ITPR1: variants seen among roughly 807,000 people sequenced by gnomAD.
ITPR1 encodes inositol 1,4,5-trisphosphate receptor type 1, also known as inositol 1,4,5-trisphosphate-gated calcium channel ITPR1.
Under a neutral mutation model 318.4 loss-of-function variants are expected in ITPR1, and 96 were observed. That is an observed-to-expected ratio of 0.30 (90% confidence interval 0.26 to 0.36). The LOEUF is 0.36. ITPR1 is among the 10% of genes least tolerant of loss of function. The probability of loss-of-function intolerance (pLI) is 1.00; values close to 1 mark genes in which losing one functional copy is unlikely to be tolerated. For synonymous variants in ITPR1, 1,312 were observed against 1,289.9 expected (o/e 1.02, Z -0.37); for missense variants, 2,440 against 3,460.2 (o/e 0.71, Z 7.40).
At chr3:4,827,466 T>G (rs753456863) in intron 60 of ITPR1, among the ~76,000 whole-genome samples, 6 of 152,218 alleles carry the variant, frequency 3.9e-5, no homozygotes, top group Admixed American at 1.3e-4. Context: ...GTCTTTACAA[T>G]GAAGCCTACT....
intron 30 of ITPR1, among the ~76,000 whole-genome samples, chr3:4,686,297 A>G (rs1224422236): frequency 6.6e-6 from 1 of 152,196 alleles, no homozygotes; most frequent in Non-Finnish European, 1.5e-5. Context: ...CATGGGGACC[A>G]TATGAATCGG....
At chr3:4,836,737 T>A in intron 60 of ITPR1, 37 bp from the exon 61 acceptor site, 2 of 141,318 alleles carry the variant, frequency 1.4e-5, no homozygotes, top group Non-Finnish European at 1.1e-5. Context: ...GACTCAGTCT[T>A]TTTTTTTTTT....
rs928213096 is a variant in ITPR1 at position 4,787,851 on chromosome 3, C to G, written c.6616-96C>G. The G allele has an allele frequency of 1.1e-5, 9 of 801,368 alleles. No homozygotes were observed. The African/African-American group carries it at 1.5e-4, about 13-fold the overall frequency. 49.6% of individuals were successfully genotyped at this position (801,368 alleles called of 1,614,324 possible). The stretch of plus-strand genomic sequence containing the variant: ...TTATAAAATCAGAGATCATATTATA[C>G]TCAATCTTGACCACCGAGTCTACCA... On this transcript the variant is annotated intron_variant, in intron 51 of 61. Coordinates refer to ENST00000649015, the MANE Select transcript of ITPR1 (RefSeq NM_001378452.1).
Position 4,635,433 on chromosome 3 carries a change from C to T in ITPR1, c.280-3951C>T, listed in dbSNP as rs898087424. 5.9e-5 allele frequency among the ~76,000 whole-genome samples: 9 copies of T among 152,076 alleles called. No individual in the cohort carries two copies. The South Asian group carries it at 6.2e-4, about 11-fold the overall frequency. On this transcript the variant is annotated intron_variant, in intron 5 of 61. Transcript: ENST00000649015. ...TCGGCTCACTGCAAGCTCCACCTCC[C>T]GGGTCCACCCCTTTCTCCTGCCTCA...
intron 4 of ITPR1, among the ~76,000 whole-genome samples, chr3:4,532,836 G>C (rs935129769): frequency 1.3e-5 from 2 of 152,236 alleles, no homozygotes; most frequent in Admixed American, 6.5e-5. Flanking sequence ...GGTAGAATAT[G>C]AGGCTTAAAA....
chr3:4,787,905 T>A (rs1415436734), intron 51 of ITPR1, 42 bp from the exon 52 acceptor site: 1 of 1,438,504 alleles, frequency 7.0e-7, no homozygotes, highest in Non-Finnish European at 9.6e-7. Context: ...AGTAAAAGGT[T>A]TCAAAGATGA....
chr3:4,645,570 G>A lies in ITPR1; in HGVS notation c.709-12G>A. ...TCTTTTTTCCTTAATTCTTTCTTGT[G>A]TTGACTGTCAGGGTGACGTGGTGAG... On this transcript the variant is annotated splice_polypyrimidine_tract_variant and intron_variant, in intron 9 of 61. Transcript: ENST00000649015. 1 of 1,612,790 alleles carries A rather than the reference G, an allele frequency of 6.2e-7. No homozygotes were observed. The highest frequency in any genetic ancestry group is 1.3e-5 in the African/African-American group (1 of 74,982).
At chr3:4,661,231 A>G (rs1331236905) in intron 14 of ITPR1, 144 bp downstream of exon 14, 3 of 534,660 alleles carry the variant, frequency 5.6e-6, no homozygotes, top group Non-Finnish European at 1.0e-5. Context: ...AATGTGACAA[A>G]AGAATACTCT....
intron 5 of ITPR1, among the ~76,000 whole-genome samples, chr3:4,629,293 T>C (rs2092940322): frequency 6.6e-6 from 1 of 152,180 alleles, no homozygotes; most frequent in African/African-American, 2.4e-5. Flanking sequence ...GTTGAGAACA[T>C]TGTTTTCCTG....
chr3:4,777,223 G>T, intron 47 of ITPR1, 41 bp from the exon 48 acceptor site: 1 of 1,233,512 alleles, frequency 8.1e-7, no homozygotes, highest in South Asian at 1.3e-5. Context: ...TCTGATTTAT[G>T]ACCAGCGTTT....
At chr3:4,738,758 T>C (rs2043473457) in intron 44 of ITPR1, among the ~76,000 whole-genome samples, 1 of 152,186 alleles carries the variant, frequency 6.6e-6, no homozygotes. Context: ...GTTTCACACA[T>C]TTATTACTCA....
chr3:4,507,702 G>A (rs1356846557), intron 2 of ITPR1, among the ~76,000 whole-genome samples: 1 of 152,156 alleles, frequency 6.6e-6, no homozygotes, highest in Admixed American at 6.5e-5. Context: ...GAGAATAGCA[G>A]CTTCAAGTGT....
intron 59 of ITPR1, 74 bp downstream of exon 59, chr3:4,815,292 T>C: frequency 1.4e-6 from 2 of 1,475,792 alleles, no homozygotes; most frequent in East Asian, 4.6e-5. Flanking sequence ...ACTGCGAGGG[T>C]GTGATGGGCG....
At chr3:4,763,309 A>G (rs1336212362) in intron 44 of ITPR1, among the ~76,000 whole-genome samples, 1 of 152,156 alleles carries the variant, frequency 6.6e-6, no homozygotes, top group East Asian at 1.9e-4. Context: ...CCATATATTT[A>G]CCTTTGTGAC....
In ITPR1 at chr3:4,653,178, C is replaced by T. The variant is rs2093635118; in HGVS notation, c.952-664C>T. 1.3e-5 allele frequency among the ~76,000 whole-genome samples: 2 copies of T among 152,246 alleles called. 1 individual carries two copies. Among genetic ancestry groups the T allele is most frequent in the South Asian group, 4.2e-4 (2 of 4,804 alleles). On this transcript the variant is annotated intron_variant, in intron 11 of 61. Transcript: ENST00000649015. ...CAGATTCTAGTCGTGCATCAAAAGA[C>T]CCCCACTGTTGTCTGGGACCACCCA... is the stretch of plus-strand genomic sequence containing the variant.
chr3:4,561,684 A>T (rs902728507), intron 4 of ITPR1, among the ~76,000 whole-genome samples: 8 of 151,904 alleles, frequency 5.3e-5, no homozygotes, highest in Non-Finnish European at 7.4e-5. Context: ...CTTCTTTATT[A>T]TTTTTTTTAA....
intron 4 of ITPR1, among the ~76,000 whole-genome samples, chr3:4,594,925 AG>A (rs1001165279): frequency 3.1e-4 from 35 of 111,406 alleles, no homozygotes; most frequent in African/African-American, 1.0e-3. Context: ...CTGGATGAGG[AG>A]GGGGAAGTAT....
At chr3:4,495,161 T>C (rs2080450370) in intron 2 of ITPR1, among the ~76,000 whole-genome samples, 1 of 152,000 alleles carries the variant, frequency 6.6e-6, no homozygotes. Flanking sequence ...TTCCCCAAAA[T>C]GGTCAGACTG....
chr3:4,569,598 T>C (rs995430495), intron 4 of ITPR1, among the ~76,000 whole-genome samples: 3 of 152,250 alleles, frequency 2.0e-5, no homozygotes, highest in Non-Finnish European at 4.4e-5. Context: ...TTACTTTCTT[T>C]TTGTGTAGTA....
Sources: allele counts gnomAD v4.1 joint callset (sites outside exome capture counted in the v4.1 genomes callset), GRCh38; gene constraint gnomAD v4.1.1; transcripts MANE v1.5; gene names NCBI Gene and HGNC (gene_info 2026-07-23, HGNC 2026-07-21).